L3MBTL3: variants seen among roughly 807,000 people sequenced by gnomAD.
L3MBTL3 encodes the protein lethal(3)malignant brain tumor-like protein 3.
In L3MBTL3, 27 loss-of-function variants were observed where a neutral mutation model predicts 102.3. That is an observed-to-expected ratio of 0.26 (90% CI 0.19 to 0.36). The LOEUF is 0.36. L3MBTL3 is among the 10% of genes least tolerant of loss of function. The pLI is 1.00. For missense variants in L3MBTL3, 798 were observed against 955.3 expected, an observed-to-expected ratio of 0.84 and a Z score of 2.17; for synonymous variants, 340 against 320.9, an observed-to-expected ratio of 1.06 and a Z score of -0.64.
intron 22 of L3MBTL3, among the ~76,000 whole-genome samples, chr6:130,135,071 T>C (rs868624225): frequency 0.013 from 1,666 of 126,288 alleles, 30 homozygotes; most frequent in African/African-American, 0.051. Context: ...TGTTTTTTCC[T>C]TTTTTTTTTT....
At chr6:130,078,755 A>G (rs1783119651) in intron 14 of L3MBTL3, 121 bp downstream of exon 14, 2 of 626,930 alleles carry the variant, frequency 3.2e-6, no homozygotes, top group African/African-American at 1.9e-5. Context: ...TTCTGTCACC[A>G]CTACTCAAAA....
intron 13 of L3MBTL3, among the ~76,000 whole-genome samples, chr6:130,075,534 G>T (rs969384814): frequency 6.6e-6 from 1 of 152,182 alleles, no homozygotes; most frequent in African/African-American, 2.4e-5. Flanking sequence ...ATCAGGTGTC[G>T]TGGGGATTAA....
At chr6:130,091,985 T>A (rs1784080996) in intron 16 of L3MBTL3, among the ~76,000 whole-genome samples, 1 of 151,964 alleles carries the variant, frequency 6.6e-6, no homozygotes, top group Non-Finnish European at 1.5e-5. Flanking sequence ...ATTTATATAT[T>A]TTTAAATAAC....
At chr6:130,055,901 G>A (rs1024837138) in intron 8 of L3MBTL3, among the ~76,000 whole-genome samples, 5 of 140,672 alleles carry the variant, frequency 3.6e-5, no homozygotes, top group African/African-American at 1.3e-4. Flanking sequence ...CTTCCCTTCT[G>A]TCCCCTCCCC....
Position 130,124,319 on chromosome 6 carries a change from A to G in L3MBTL3, c.1966+3361A>G, listed in dbSNP as rs141314946. ...GCCCTGGTTCTGAAGGGCGCAAAGAATGGCCCACCACAGATTCACTATATT... is the reference window on the plus strand; with the variant it reads ...GCCCTGGTTCTGAAGGGCGCAAAGAGTGGCCCACCACAGATTCACTATATT... On this transcript the variant is annotated intron_variant, in intron 20 of 22. Coordinates refer to ENST00000361794, the MANE Select transcript of L3MBTL3 (RefSeq NM_032438.4). Among the ~76,000 whole-genome samples the G allele has an allele frequency of 9.8e-4, 149 of 152,310 alleles. 1 individual carries two copies. The Middle Eastern group carries it at 0.017, about 17-fold the overall frequency.
At position 130,131,295 on chromosome 6, in the gene L3MBTL3, A is replaced by G. The variant is rs551517984; in HGVS notation, c.1967-2157A>G. 7.2e-5 allele frequency among the ~76,000 whole-genome samples: 11 copies of G among 152,350 alleles called. No homozygotes were observed. The South Asian group carries it at 2.1e-3, about 29-fold the overall frequency. ...GCATTTGTAACCATAATGTGATACC[A>G]CTATACACCCACTAAACGGTTAAAA... On this transcript the variant is annotated intron_variant, in intron 20 of 22. Coordinates refer to ENST00000361794, the MANE Select transcript of L3MBTL3 (RefSeq NM_032438.4).
chr6:130,128,200 G>GT (rs1448678645), intron 20 of L3MBTL3, among the ~76,000 whole-genome samples: 9 of 152,048 alleles, frequency 5.9e-5, no homozygotes, highest in East Asian at 1.9e-4. Context: ...AGGGTTAGGG[G>GT]GGTGTGTGTG....
intron 19 of L3MBTL3, among the ~76,000 whole-genome samples, chr6:130,115,641 C>G (rs764354722): frequency 1.3e-5 from 2 of 152,136 alleles, no homozygotes; most frequent in Non-Finnish European, 2.9e-5. Flanking sequence ...AGTAAGACCT[C>G]TAAAAAGTGA....
At chr6:130,062,725 C>T (rs1781980907) in intron 10 of L3MBTL3, among the ~76,000 whole-genome samples, 1 of 151,168 alleles carries the variant, frequency 6.6e-6, no homozygotes, top group African/African-American at 2.4e-5. Flanking sequence ...GGTAGTTCTC[C>T]ATTTTATAGA....
intron 13 of L3MBTL3, among the ~76,000 whole-genome samples, chr6:130,077,174 C>T (rs1419839126): frequency 6.6e-6 from 1 of 151,904 alleles, no homozygotes; most frequent in African/African-American, 2.4e-5. Flanking sequence ...TAACATCCTT[C>T]CCTAAAATAA....
chr6:130,019,359 G>A (rs1778782371), intron 1 of L3MBTL3: 2 of 146,902 alleles, frequency 1.4e-5, no homozygotes, highest in South Asian at 4.2e-4. Context: ...GGCGGGAGGC[G>A]CGAGCCCCGC....
intron 15 of L3MBTL3, among the ~76,000 whole-genome samples, chr6:130,085,320 A>G (rs1007469032): frequency 3.9e-5 from 6 of 152,034 alleles, no homozygotes; most frequent in Admixed American, 6.6e-5. Flanking sequence ...TCCTGGTTCT[A>G]TCTTTTATGT....
intron 15 of L3MBTL3, among the ~76,000 whole-genome samples, 197 bp from the exon 16 acceptor site, chr6:130,085,943 G>A (rs557914468): frequency 6.6e-6 from 1 of 152,132 alleles, no homozygotes; most frequent in African/African-American, 2.4e-5. Flanking sequence ...AATAGAGACA[G>A]GGTTCAGCCA....
intron 2 of L3MBTL3, among the ~76,000 whole-genome samples, chr6:130,023,541 ATC>A (rs1779143255): frequency 6.6e-6 from 1 of 152,318 alleles, no homozygotes; most frequent in East Asian, 1.9e-4. Flanking sequence ...TAGAATAGGA[ATC>A]AGAAGACTAA....
At chr6:130,114,858 T>G (rs1785561428) in intron 19 of L3MBTL3, among the ~76,000 whole-genome samples, 1 of 152,166 alleles carries the variant, frequency 6.6e-6, no homozygotes, top group Non-Finnish European at 1.5e-5. Context: ...TTGCCATCTT[T>G]TTCTGAATCC....
At chr6:130,043,340 C>A (rs1780543754) in intron 3 of L3MBTL3, among the ~76,000 whole-genome samples, 1 of 152,166 alleles carries the variant, frequency 6.6e-6, no homozygotes, top group Non-Finnish European at 1.5e-5. Context: ...GTAAATCCGT[C>A]TGCCTAAGTA....
In L3MBTL3 at chr6:130,133,430, C is replaced by T; in HGVS notation, c.1967-22C>T. 3 of 1,610,660 alleles carry T rather than the reference C, an allele frequency of 1.9e-6. No individual in the cohort carries two copies. The highest frequency in any genetic ancestry group is 2.5e-6 in the Non-Finnish European group (3 of 1,178,014). ...TCTTGCTGCTTTCAGAGAGTGATTT[C>T]CCATTTGTTTTCATTGACCAGGTGC... On this transcript the variant is annotated intron_variant, in intron 20 of 22. Transcript: ENST00000361794. The surrounding 1 kb of genome is among the most constrained non-coding windows in gnomAD (Gnocchi z 4.9).
chr6:130,049,545 A>C, intron 4 of L3MBTL3, 152 bp downstream of exon 4: 1 of 709,640 alleles, frequency 1.4e-6, no homozygotes, highest in Non-Finnish European at 2.3e-6. Flanking sequence ...AACTGATAGG[A>C]GCCAGCATTT....
At chr6:130,111,077 A>G (rs540553267) in intron 19 of L3MBTL3, among the ~76,000 whole-genome samples, 3 of 152,262 alleles carry the variant, frequency 2.0e-5, no homozygotes, top group East Asian at 3.9e-4. Flanking sequence ...ACAAGAGACA[A>G]TTTGCATCCT....
Sources: allele counts gnomAD v4.1 joint callset (sites outside exome capture counted in the v4.1 genomes callset), GRCh38; gene constraint gnomAD v4.1.1; non-coding constraint Gnocchi (gnomAD v3.1); transcripts MANE v1.5; gene names NCBI Gene and HGNC (gene_info 2026-07-23, HGNC 2026-07-21).